The following DISC1 variants were observed in gnomAD, a reference collection of about 807,000 sequenced individuals.
The protein encoded by DISC1 is DISC1 scaffold protein.
In DISC1, 57 loss-of-function variants were observed where a neutral mutation model predicts 84.5. The observed-to-expected ratio is 0.67, with a 90% CI of 0.55 to 0.84. The LOEUF is 0.84. Ranked by LOEUF, DISC1 falls within the 40% of genes least tolerant of loss-of-function variation. The pLI, the probability that DISC1 is intolerant of heterozygous loss-of-function variation, is 0.00. For synonymous variants in DISC1, 411 were observed against 415.2 expected, an observed-to-expected ratio of 0.99 and a Z score of 0.12; for missense variants, 1,000 against 1,057.8, an observed-to-expected ratio of 0.95 and a Z score of 0.76.
intron 11 of DISC1, among the ~76,000 whole-genome samples, chr1:232,014,024 T>A (rs1485612570): frequency 1.3e-5 from 2 of 152,114 alleles, no homozygotes; most frequent in Non-Finnish European, 2.9e-5. Flanking sequence ...TACCAAAGTG[T>A]CACACTTAGG....
chr1:231,943,194 A>G (rs991249550), intron 9 of DISC1, among the ~76,000 whole-genome samples: 1 of 152,258 alleles, frequency 6.6e-6, no homozygotes, highest in Admixed American at 6.5e-5. Flanking sequence ...TGTATTATTC[A>G]GGCATGATGA....
rs368219479 is a variant in DISC1, at chr1:231,699,315, C to T, written c.1048-2640C>T. On this transcript the variant is annotated intron_variant, in intron 2 of 12. Transcript: ENST00000439617. ...TCCTATACATGGATGCAAAATAGTT[C>T]TTGCCCCCCAGATGCTCAAGGTTGA... Among the ~76,000 whole-genome samples the T allele has an allele frequency of 3.1e-4, 47 of 152,248 alleles. No homozygotes were observed. In the East Asian group the frequency reaches 4.2e-3, roughly 14 times the overall value.
In DISC1 at chr1:232,041,023, CTTTT is replaced by C. The variant is rs1253676586; in HGVS notation, c.*4193_*4196del. 1.3e-5 allele frequency: 2 copies of C among 151,982 alleles called. No individual in the cohort carries two copies. Among genetic ancestry groups the C allele is most frequent in the African/African-American group, 4.8e-5 (2 of 41,394 alleles). The allele number at this position is 151,982 out of a possible 1,614,324, so 9.4% of individuals were successfully genotyped here. ...TTGTATATGTAATTCAATACTTTTA[CTTTT>C]AATATCCTCACCTTATCTAATCTTT... On this transcript the variant is annotated 3_prime_UTR_variant, in exon 13 of 13. Coordinates refer to ENST00000439617, the MANE Select transcript of DISC1 (RefSeq NM_018662.3).
intron 2 of DISC1, among the ~76,000 whole-genome samples, chr1:231,700,848 C>T (rs566854045): frequency 7.9e-5 from 12 of 152,050 alleles, no homozygotes; most frequent in South Asian, 2.1e-4. Flanking sequence ...CTGGAGGAGA[C>T]GACACTTGTG....
At chr1:231,942,672 A>G (rs1156913205) in intron 9 of DISC1, among the ~76,000 whole-genome samples, 1 of 152,188 alleles carries the variant, frequency 6.6e-6, no homozygotes, top group African/African-American at 2.4e-5. Flanking sequence ...CAAAAATAAA[A>G]TAAAGTAAAA....
intron 10 of DISC1, among the ~76,000 whole-genome samples, chr1:231,982,123 G>C (rs1663689988): frequency 6.6e-6 from 1 of 152,206 alleles, no homozygotes; most frequent in Non-Finnish European, 1.5e-5. Flanking sequence ...TTAGAGAAGA[G>C]AGAGGAGAAG....
chr1:232,020,301 C>A (rs1572657294), intron 11 of DISC1, among the ~76,000 whole-genome samples: 1 of 152,114 alleles, frequency 6.6e-6, no homozygotes, highest in African/African-American at 2.4e-5. Context: ...GAGATCACGC[C>A]ATTGCACTCC....
chr1:231,809,399 A>AT (rs2080054226), intron 8 of DISC1, among the ~76,000 whole-genome samples: 2 of 139,468 alleles, frequency 1.4e-5, no homozygotes, highest in African/African-American at 5.3e-5. Context: ...CAGTTTGGAT[A>AT]TATTTTTTTT....
chr1:231,641,315 C>T (rs1037170649), intron 1 of DISC1, among the ~76,000 whole-genome samples: 5 of 152,088 alleles, frequency 3.3e-5, no homozygotes, highest in Non-Finnish European at 7.4e-5. Flanking sequence ...GGAGTTTCTT[C>T]TTTCTAGTGG....
intron 10 of DISC1, among the ~76,000 whole-genome samples, chr1:231,968,770 C>T (rs1161760494): frequency 1.3e-5 from 2 of 152,134 alleles, no homozygotes; most frequent in African/African-American, 4.8e-5. Context: ...GAAGGGGCCT[C>T]ATGAGTAACC....
At chr1:231,684,433 C>A (rs2064014846) in intron 1 of DISC1, among the ~76,000 whole-genome samples, 1 of 152,012 alleles carries the variant, frequency 6.6e-6, no homozygotes, top group South Asian at 2.1e-4. Context: ...TCCTGTGTAA[C>A]CACCACTTAA....
chr1:232,041,137 T>C lies in DISC1; in HGVS notation c.*4306T>C, dbSNP rs1209487666. The C allele has an allele frequency of 6.6e-6, 1 of 152,256 alleles. No homozygotes were observed. The highest frequency in any genetic ancestry group is 1.5e-5 in the Non-Finnish European group (1 of 68,046). The allele number at this position is 152,256 out of a possible 1,614,324, so 9.4% of individuals were successfully genotyped here. A position where few individuals can be genotyped will look rare whatever the true frequency, so the allele number is the denominator to read the frequency against. On this transcript the variant is annotated 3_prime_UTR_variant, in exon 13 of 13. Transcript: ENST00000439617. ...GCTGATATCCAAGGCATGGTGCATCTTGATGATTTTTTGTCCTTTGAAGTA... is the reference window on the plus strand; with the variant it reads ...GCTGATATCCAAGGCATGGTGCATCCTGATGATTTTTTGTCCTTTGAAGTA...
At chr1:231,633,412 G>A (rs376889567) in intron 1 of DISC1, among the ~76,000 whole-genome samples, 3 of 152,214 alleles carry the variant, frequency 2.0e-5, no homozygotes, top group Admixed American at 6.5e-5. Context: ...AGGGGGCTGC[G>A]TTGGATGATG....
intron 9 of DISC1, chr1:231,940,809 ACT>A (rs2091282484): frequency 6.6e-6 from 1 of 152,224 alleles, no homozygotes; most frequent in Non-Finnish European, 1.5e-5. Context: ...TGAAATTGAG[ACT>A]CTGCCTTCAA....
At chr1:231,886,776 T>A (rs530149851) in intron 9 of DISC1, among the ~76,000 whole-genome samples, 2 of 92,778 alleles carry the variant, frequency 2.2e-5, no homozygotes, top group African/African-American at 7.7e-5. Context: ...CCTTTCTTTC[T>A]TTCTTTCTTT....
chr1:231,820,993 G>A (rs1219841276), intron 9 of DISC1, among the ~76,000 whole-genome samples: 14 of 152,148 alleles, frequency 9.2e-5, no homozygotes, highest in Admixed American at 9.2e-4. Flanking sequence ...CACCTGAGAT[G>A]AATTTGCTGC....
intron 3 of DISC1, among the ~76,000 whole-genome samples, chr1:231,733,861 G>T (rs964515079): frequency 1.3e-5 from 2 of 150,902 alleles, no homozygotes; most frequent in African/African-American, 4.9e-5. Context: ...GATGGTAGGG[G>T]TGGTGGTGAC....
At chr1:232,007,436 G>T (rs1667600345) in intron 10 of DISC1, among the ~76,000 whole-genome samples, 1 of 152,198 alleles carries the variant, frequency 6.6e-6, no homozygotes, top group South Asian at 2.1e-4. Flanking sequence ...CTGGTTCTGA[G>T]ACATGGAGTC....
intron 3 of DISC1, among the ~76,000 whole-genome samples, chr1:231,725,851 G>A (rs2125135965): frequency 6.6e-6 from 1 of 152,260 alleles, no homozygotes; most frequent in East Asian, 1.9e-4. Flanking sequence ...GGCTGGTCTC[G>A]GGGGTGGTGT....
Sources: gnomAD v4.1 joint callset for allele counts (sites outside exome capture counted in the v4.1 genomes callset) on GRCh38, gnomAD v4.1.1 for gene constraint, MANE v1.5 for transcripts, NCBI Gene and HGNC (gene_info 2026-07-23, HGNC 2026-07-21) for gene names.